Variants in DNAJB6 observed in about 807,000 individuals in gnomAD.
The protein encoded by DNAJB6 is DnaJ heat shock protein family (Hsp40) member B6, also known as dnaJ homolog subfamily B member 6.
In DNAJB6, 16 loss-of-function variants were observed where a neutral mutation model predicts 42.7. The observed-to-expected ratio is 0.37, with a 90% CI of 0.25 to 0.57. The LOEUF (loss-of-function observed/expected upper bound fraction) is 0.57, where lower values mean the gene tolerates loss of function less well. Among genes scored for constraint, DNAJB6 ranks in the 20% least tolerant of loss-of-function variants. DNAJB6 has a pLI of 0.74. For missense variants in DNAJB6, 347 were observed against 416.8 expected (o/e 0.83, Z 1.46); for synonymous variants, 170 against 163.5 (o/e 1.04, Z -0.30).
At chr7:157,387,921 T>C (rs1801153359) in intron 8 of DNAJB6, among the ~76,000 whole-genome samples, 1 of 152,072 alleles carries the variant, frequency 6.6e-6, no homozygotes, top group Admixed American at 6.6e-5. Context: ...TCTTGGCTCA[T>C]TGTAACCTCT....
chr7:157,394,778 C>A (rs1801504734), intron 8 of DNAJB6, among the ~76,000 whole-genome samples: 1 of 152,030 alleles, frequency 6.6e-6, no homozygotes, highest in South Asian at 2.1e-4. Context: ...GATTTTGTCC[C>A]CGCCTCTCAG....
intron 8 of DNAJB6, among the ~76,000 whole-genome samples, chr7:157,394,771 T>G (rs1388886051): frequency 6.6e-6 from 1 of 152,006 alleles, no homozygotes; most frequent in Non-Finnish European, 1.5e-5. Flanking sequence ...AAGAGCAGAT[T>G]TTGTCCCCGC....
At chr7:157,375,295 C>T (rs1052229687) in intron 5 of DNAJB6, among the ~76,000 whole-genome samples, 5 of 152,178 alleles carry the variant, frequency 3.3e-5, no homozygotes, top group African/African-American at 9.7e-5. Flanking sequence ...CTTCCCTGAG[C>T]AATGAGGACT....
chr7:157,405,770 G>T (rs1049011845), intron 8 of DNAJB6, among the ~76,000 whole-genome samples: 1 of 152,250 alleles, frequency 6.6e-6, no homozygotes, highest in South Asian at 2.1e-4. Flanking sequence ...GGGAGGGACC[G>T]GGAGGCCGAG....
At chr7:157,340,534 A>T (rs892962805) in intron 1 of DNAJB6, among the ~76,000 whole-genome samples, 7 of 148,828 alleles carry the variant, frequency 4.7e-5, no homozygotes, top group Middle Eastern at 3.2e-3. Flanking sequence ...TAAAAATGTG[A>T]TTTTTTTTTT....
chr7:157,386,570 T>TAG (rs558657012), intron 8 of DNAJB6, among the ~76,000 whole-genome samples: 3,335 of 152,278 alleles, frequency 0.022, 102 homozygotes, highest in African/African-American at 0.071. Context: ...TCTTAAAGTA[T>TAG]GTTCTAGTTT....
intron 9 of DNAJB6, 149 bp downstream of exon 9, chr7:157,410,150 G>A (rs1032677857): frequency 3.6e-6 from 5 of 1,408,312 alleles, no homozygotes; most frequent in Admixed American, 3.1e-5. Flanking sequence ...AGGTAGCCTC[G>A]CTCTGCTCCT....
Position 157,391,522 on chromosome 7 carries a change from C to G in DNAJB6, c.691+5911C>G, listed in dbSNP as rs570303877. 2.0e-5 allele frequency among the ~76,000 whole-genome samples: 3 copies of G among 152,332 alleles called. No homozygotes were observed. The East Asian group carries it at 5.8e-4, about 29-fold the overall frequency. On this transcript the variant is annotated intron_variant, in intron 8 of 9. Transcript: ENST00000262177. ...GGGGGCTGAGCCTTCCCTGCCAGTC[C>G]CTGCCAAGCAGGAAAGACAAGTTTC...
chr7:157,390,962 G>A (rs1274222124), intron 8 of DNAJB6, among the ~76,000 whole-genome samples: 2 of 152,104 alleles, frequency 1.3e-5, no homozygotes, highest in Admixed American at 6.5e-5. Context: ...CAGCCCCTAA[G>A]CAGTTGGGAC....
At chr7:157,371,671 G>A (rs2117025465) in intron 5 of DNAJB6, among the ~76,000 whole-genome samples, 1 of 152,376 alleles carries the variant, frequency 6.6e-6, no homozygotes, top group South Asian at 2.1e-4. Flanking sequence ...ATGCAAATGA[G>A]CTCTTGTCGA....
chr7:157,354,638 C>T (rs779825961), intron 1 of DNAJB6, among the ~76,000 whole-genome samples: 4 of 152,158 alleles, frequency 2.6e-5, no homozygotes, highest in Non-Finnish European at 5.9e-5. Flanking sequence ...CGTGCCCAGC[C>T]AATATCTGCA....
At chr7:157,368,264 A>G (rs1220043158) in intron 5 of DNAJB6, among the ~76,000 whole-genome samples, 2 of 152,196 alleles carry the variant, frequency 1.3e-5, no homozygotes, top group African/African-American at 2.4e-5. Context: ...TTTTGCCCTC[A>G]GAAGAGACAG....
intron 1 of DNAJB6, among the ~76,000 whole-genome samples, chr7:157,351,820 A>G (rs1798995097): frequency 6.6e-6 from 1 of 150,554 alleles, no homozygotes; most frequent in African/African-American, 2.4e-5. Flanking sequence ...AACCCAAAAA[A>G]CAAAACAAAA....
intron 8 of DNAJB6, among the ~76,000 whole-genome samples, chr7:157,406,459 C>G (rs1385532723): frequency 6.6e-6 from 1 of 152,190 alleles, no homozygotes; most frequent in African/African-American, 2.4e-5. Flanking sequence ...GAGACCAGAC[C>G]CAAGCAGCTG....
At position 157,417,249 on chromosome 7, in the gene DNAJB6, C is replaced by T. The variant is rs1796124325; in HGVS notation, c.*1151C>T. ...GCAATCCATGTAGCAGTGACCCAGG[C>T]TTGGGAGCCAGAAACAAGTGTGACC... is the stretch of plus-strand genomic sequence containing the variant. On this transcript the variant is annotated 3_prime_UTR_variant, in exon 10 of 10. Transcript: ENST00000262177. 1 of 152,186 alleles carries T rather than the reference C, an allele frequency of 6.6e-6. No homozygotes were observed. The highest frequency in any genetic ancestry group is 2.1e-4 in the South Asian group (1 of 4,836). 9.4% of individuals were successfully genotyped at this position (152,186 alleles called of 1,614,324 possible).
At chr7:157,356,274 A>G (rs1465036812) in intron 1 of DNAJB6, among the ~76,000 whole-genome samples, 1 of 152,230 alleles carries the variant, frequency 6.6e-6, no homozygotes, top group African/African-American at 2.4e-5. Context: ...CTGGAGCTGG[A>G]GTGAAAATAA....
intron 8 of DNAJB6, among the ~76,000 whole-genome samples, chr7:157,406,079 C>A (rs1374290394): frequency 6.6e-6 from 1 of 152,214 alleles, no homozygotes; most frequent in Non-Finnish European, 1.5e-5. Flanking sequence ...ACCATCGAGG[C>A]CGAATCGGGC....
rs367641166 is a variant in DNAJB6, at chr7:157,343,416, A to G, written c.-27+6272A>G. 3.3e-5 allele frequency among the ~76,000 whole-genome samples: 5 copies of G among 152,016 alleles called. No individual in the cohort carries two copies. In the East Asian group the frequency reaches 5.8e-4, roughly 18 times the overall value. ...GTGATCTGCGTGCCTCGGCCCTCCA[A>G]AGTGCTGGGATTACAGGCGTGAGCC... On this transcript the variant is annotated intron_variant, in intron 1 of 9. Transcript: ENST00000262177.
At chr7:157,362,757 TTC>T (rs1220183479) in intron 2 of DNAJB6, among the ~76,000 whole-genome samples, 27 of 152,140 alleles carry the variant, frequency 1.8e-4, no homozygotes, top group African/African-American at 6.3e-4. Flanking sequence ...TCTCTAGAGG[TTC>T]GTTTGTATTA....
Sources: allele counts gnomAD v4.1 joint callset (sites outside exome capture counted in the v4.1 genomes callset), GRCh38; gene constraint gnomAD v4.1.1; transcripts MANE v1.5; gene names NCBI Gene and HGNC (gene_info 2026-07-23, HGNC 2026-07-21).